Variants in OPCML observed in about 807,000 individuals in gnomAD.
OPCML encodes the protein opioid binding protein/cell adhesion molecule like.
Under a neutral mutation model 37.8 loss-of-function variants are expected in OPCML, and 13 were observed. The observed-to-expected ratio is 0.34, with a 90% CI of 0.22 to 0.55. OPCML has a LOEUF of 0.55. Among genes scored for constraint, OPCML ranks in the 20% least tolerant of loss-of-function variants. OPCML has a pLI of 0.91. For missense variants in OPCML, 341 were observed against 435.6 expected (o/e 0.78, Z 1.93); for synonymous variants, 176 against 168.8 (o/e 1.04, Z -0.33).
intron 4 of OPCML, among the ~76,000 whole-genome samples, chr11:132,516,428 G>T (rs1343332526): frequency 2.6e-5 from 4 of 151,690 alleles, no homozygotes. Flanking sequence ...TTTTTCTCTG[G>T]CACGCTACAG....
At chr11:132,949,527 G>T (rs576035023) in intron 1 of OPCML, among the ~76,000 whole-genome samples, 3 of 152,166 alleles carry the variant, frequency 2.0e-5, no homozygotes, top group Non-Finnish European at 4.4e-5. Context: ...CCAGTATCCT[G>T]GGCTGTGAAA....
At chr11:132,498,539 A>T (rs2096238413) in intron 4 of OPCML, among the ~76,000 whole-genome samples, 1 of 152,222 alleles carries the variant, frequency 6.6e-6, no homozygotes, top group South Asian at 2.1e-4. Context: ...GTCTAAAACC[A>T]ATGTCTAAGG....
intron 1 of OPCML, among the ~76,000 whole-genome samples, chr11:133,127,940 T>C (rs2137130166): frequency 6.6e-6 from 1 of 152,190 alleles, no homozygotes; most frequent in South Asian, 2.1e-4. Flanking sequence ...GATTATGCGC[T>C]TTGTTCCGCA....
At chr11:132,550,449 C>A (rs184993650) in intron 3 of OPCML, among the ~76,000 whole-genome samples, 1 of 152,290 alleles carries the variant, frequency 6.6e-6, no homozygotes, top group Admixed American at 6.5e-5. Context: ...CCTGCTCTGG[C>A]CACGTGAAGT....
intron 1 of OPCML, among the ~76,000 whole-genome samples, chr11:133,371,180 G>A (rs1435846077): frequency 6.6e-6 from 1 of 152,200 alleles, no homozygotes; most frequent in African/African-American, 2.4e-5. Flanking sequence ...TGAAGATGCA[G>A]AGTAAAGGAG....
At chr11:133,371,109 CAAT>C (rs1189338343) in intron 1 of OPCML, among the ~76,000 whole-genome samples, 1 of 152,064 alleles carries the variant, frequency 6.6e-6, no homozygotes, top group African/African-American at 2.4e-5. Flanking sequence ...ATCACAACCA[CAAT>C]AAGATATTAC....
intron 1 of OPCML, among the ~76,000 whole-genome samples, chr11:133,330,168 T>A (rs1163894517): frequency 6.6e-6 from 1 of 152,150 alleles, no homozygotes; most frequent in Admixed American, 6.5e-5. Context: ...ATGGTGATCA[T>A]TAAAAAGTCA....
intron 2 of OPCML, among the ~76,000 whole-genome samples, chr11:132,759,561 C>A (rs1331820451): frequency 6.6e-6 from 1 of 152,112 alleles, no homozygotes; most frequent in Non-Finnish European, 1.5e-5. Flanking sequence ...TTATCCATTT[C>A]TTCTAGATTT....
intron 2 of OPCML, among the ~76,000 whole-genome samples, chr11:132,685,369 A>G (rs1449031457): frequency 6.6e-6 from 1 of 152,192 alleles, no homozygotes; most frequent in Admixed American, 6.5e-5. Context: ...AGTTCTTTGG[A>G]AATTAATCAG....
intron 1 of OPCML, among the ~76,000 whole-genome samples, chr11:133,375,343 CT>C (rs1227318133): frequency 6.6e-6 from 1 of 152,226 alleles, no homozygotes; most frequent in Non-Finnish European, 1.5e-5. Context: ...TTCATCTTTG[CT>C]TTCTCCACCA....
At chr11:133,307,572 C>A (rs1177941588) in intron 1 of OPCML, among the ~76,000 whole-genome samples, 1 of 152,152 alleles carries the variant, frequency 6.6e-6, no homozygotes, top group Non-Finnish European at 1.5e-5. Context: ...CACTGTTATC[C>A]TTCCTGACTC....
chr11:133,082,133 C>T (rs1948730798), intron 1 of OPCML, among the ~76,000 whole-genome samples: 2 of 152,062 alleles, frequency 1.3e-5, no homozygotes, highest in African/African-American at 4.8e-5. Context: ...AGGGACCCCT[C>T]CCCAGGCCAA....
intron 1 of OPCML, among the ~76,000 whole-genome samples, chr11:133,495,433 T>C (rs1947764428): frequency 6.6e-6 from 1 of 152,256 alleles, no homozygotes; most frequent in South Asian, 2.1e-4. Flanking sequence ...GTGGGATTGC[T>C]GGATCTAATG....
At chr11:132,874,565 G>A (rs1007163897) in intron 2 of OPCML, among the ~76,000 whole-genome samples, 2 of 152,074 alleles carry the variant, frequency 1.3e-5, no homozygotes, top group East Asian at 3.9e-4. Flanking sequence ...GAGAATAACT[G>A]GAATTGTTCT....
At chr11:133,468,032 T>TCCTAGTAC (rs1947015714) in intron 1 of OPCML, among the ~76,000 whole-genome samples, 1 of 152,164 alleles carries the variant, frequency 6.6e-6, no homozygotes, top group Admixed American at 6.5e-5. Context: ...CATGTAAGAC[T>TCCTAGTAC]CCTAGTACCT....
intron 4 of OPCML, among the ~76,000 whole-genome samples, chr11:132,443,561 G>C (rs1021149022): frequency 1.3e-5 from 2 of 152,236 alleles, no homozygotes; most frequent in Admixed American, 6.5e-5. Context: ...CCACAACTAG[G>C]CTGCCTGAAC....
At chr11:133,433,681 C>G (rs1285708481) in intron 1 of OPCML, among the ~76,000 whole-genome samples, 1 of 152,200 alleles carries the variant, frequency 6.6e-6, no homozygotes, top group African/African-American at 2.4e-5. Flanking sequence ...AGAAGCCTCT[C>G]TTGCCCCTCC....
chr11:132,743,028 T>C (rs1945486902), intron 2 of OPCML, among the ~76,000 whole-genome samples: 1 of 152,098 alleles, frequency 6.6e-6, no homozygotes, highest in Admixed American at 6.5e-5. Flanking sequence ...TCTCAAATTC[T>C]TACGTATTCC....
chr11:132,551,082 C>T (rs763354702), intron 3 of OPCML, among the ~76,000 whole-genome samples: 27 of 152,142 alleles, frequency 1.8e-4, no homozygotes, highest in Non-Finnish European at 3.4e-4. Flanking sequence ...GGCCCTTTCT[C>T]AGTGCAGCAC....
Sources: allele counts gnomAD v4.1 joint callset (sites outside exome capture counted in the v4.1 genomes callset), GRCh38; gene constraint gnomAD v4.1.1; transcripts MANE v1.5; gene names NCBI Gene and HGNC (gene_info 2026-07-23, HGNC 2026-07-21).